NWD2: variants seen among roughly 807,000 people sequenced by gnomAD.
NWD2 encodes NACHT and WD repeat domain-containing protein 2.
In NWD2, 37 loss-of-function variants were observed where a neutral mutation model predicts 132.7. The observed-to-expected ratio is 0.28, with a 90% CI of 0.21 to 0.37. The LOEUF (loss-of-function observed/expected upper bound fraction) is 0.37, where lower values mean the gene tolerates loss of function less well. Among genes scored for constraint, NWD2 ranks in the 10% least tolerant of loss-of-function variants. NWD2 has a pLI of 1.00. For missense variants in NWD2, 1,592 were observed against 2,122.4 expected (o/e 0.75, Z 4.91); for synonymous variants, 705 against 803.0 (o/e 0.88, Z 2.06).
chr4:37,364,697 C>CACACACACACAT (rs1448609670), intron 3 of NWD2, among the ~76,000 whole-genome samples: 5 of 142,718 alleles, frequency 3.5e-5, no homozygotes, highest in African/African-American at 1.4e-4. Context: ...CACTTACACA[C>CACACACACACAT]ACACACACAC....
intron 3 of NWD2, among the ~76,000 whole-genome samples, chr4:37,410,245 T>G (rs1243237451): frequency 6.6e-6 from 1 of 152,120 alleles, no homozygotes; most frequent in African/African-American, 2.4e-5. Flanking sequence ...CAGTGTGTTG[T>G]GTTCAGGAGA....
chr4:37,348,759 G>A (rs549211515), intron 2 of NWD2, among the ~76,000 whole-genome samples: 1 of 145,920 alleles, frequency 6.9e-6, no homozygotes, highest in East Asian at 2.1e-4. Flanking sequence ...AGGTATACAC[G>A]TGCCATGGTG....
At chr4:37,287,442 A>G (rs948019378) in intron 1 of NWD2, among the ~76,000 whole-genome samples, 4 of 152,200 alleles carry the variant, frequency 2.6e-5, no homozygotes, top group Non-Finnish European at 2.9e-5. Flanking sequence ...TCCAGGCTGC[A>G]CTTTTACCCT....
chr4:37,347,865 A>C (rs996865302), intron 2 of NWD2, among the ~76,000 whole-genome samples: 2 of 152,240 alleles, frequency 1.3e-5, no homozygotes, highest in African/African-American at 4.8e-5. Context: ...AAAAGAATCG[A>C]GACGAGATTA....
At chr4:37,311,842 C>T (rs1718849273) in intron 1 of NWD2, among the ~76,000 whole-genome samples, 1 of 149,530 alleles carries the variant, frequency 6.7e-6, no homozygotes, top group South Asian at 2.1e-4. Context: ...CAGCATTCTA[C>T]ATATGGCTAG....
At chr4:37,405,835 A>G (rs1720992959) in intron 3 of NWD2, among the ~76,000 whole-genome samples, 1 of 152,198 alleles carries the variant, frequency 6.6e-6, no homozygotes, top group Admixed American at 6.5e-5. Flanking sequence ...TATTACAGTC[A>G]TTTTAGAGAA....
At chr4:37,400,719 T>G (rs114475829) in intron 3 of NWD2, among the ~76,000 whole-genome samples, 2 of 152,250 alleles carry the variant, frequency 1.3e-5, no homozygotes, top group Non-Finnish European at 2.9e-5. Context: ...GTGGGTTTCA[T>G]GTCAATCAAT....
Position 37,268,196 on chromosome 4 carries a change from T to TTCC in NWD2, c.151+22980_151+22982dup, listed in dbSNP as rs1717796843. 7.9e-5 allele frequency among the ~76,000 whole-genome samples: 12 copies of TTCC among 152,060 alleles called. No individual in the cohort carries two copies. In the South Asian group the frequency reaches 2.3e-3, roughly 29 times the overall value. On this transcript the variant is annotated intron_variant, in intron 1 of 6. Coordinates refer to ENST00000309447, the MANE Select transcript of NWD2 (RefSeq NM_001144990.2). ...GTCATCCTACTAGCCCATTGATTTCTTCCTTGTATCCTGTTTTTACACATT... is the reference window on the plus strand; with the variant it reads ...GTCATCCTACTAGCCCATTGATTTCTTCCTCCTTGTATCCTGTTTTTACACATT...
intron 3 of NWD2, among the ~76,000 whole-genome samples, chr4:37,414,285 T>C (rs1414543234): frequency 6.6e-6 from 1 of 152,152 alleles, no homozygotes; most frequent in African/African-American, 2.4e-5. Flanking sequence ...TTGGTAAAGC[T>C]GGTAATAGGT....
At chr4:37,267,421 T>C (rs1254956356) in intron 1 of NWD2, among the ~76,000 whole-genome samples, 1 of 152,004 alleles carries the variant, frequency 6.6e-6, no homozygotes, top group Non-Finnish European at 1.5e-5. Context: ...GGGCCAGCCC[T>C]GATCATAGCA....
intron 1 of NWD2, among the ~76,000 whole-genome samples, chr4:37,256,799 T>C (rs192882794): frequency 6.6e-6 from 1 of 152,184 alleles, no homozygotes; most frequent in African/African-American, 2.4e-5. Flanking sequence ...CATTTGGAGG[T>C]TTTACCCAAA....
rs147739494 is a variant in NWD2 at position 37,368,527 on chromosome 4, C to T, written c.357+12045C>T. Among the ~76,000 whole-genome samples the T allele has an allele frequency of 6.0e-3, 918 of 152,204 alleles. 20 individuals are homozygous for T. The highest frequency in any genetic ancestry group is 0.037 in the Admixed American group (564 of 15,284). ...ACTTAAACAGAAAGAGGTGTGCGTGCGGCTAAATATGATACTGTTTGATAA... is the reference window on the plus strand; with the variant it reads ...ACTTAAACAGAAAGAGGTGTGCGTGTGGCTAAATATGATACTGTTTGATAA... On this transcript the variant is annotated intron_variant, in intron 3 of 6. Transcript: ENST00000309447.
Position 37,325,322 on chromosome 4 carries a change from A to G in NWD2, c.152-614A>G, listed in dbSNP as rs147060640. 1.9e-3 allele frequency among the ~76,000 whole-genome samples: 294 copies of G among 152,268 alleles called. 3 individuals are homozygous for G. Among genetic ancestry groups the G allele is most frequent in the South Asian group, 0.018 (88 of 4,830 alleles). ...ATATGTAAAATAGTTTCTATCTCTG[A>G]TATAATGTCCCTAAGCCCGGGGTGG... On this transcript the variant is annotated intron_variant, in intron 1 of 6. Transcript: ENST00000309447.
intron 1 of NWD2, among the ~76,000 whole-genome samples, chr4:37,307,524 G>A (rs908547963): frequency 2.0e-5 from 3 of 152,060 alleles, no homozygotes; most frequent in African/African-American, 7.2e-5. Context: ...CATTATATGT[G>A]ACTTGATGCT....
At chr4:37,345,191 A>T (rs1490448787) in intron 2 of NWD2, among the ~76,000 whole-genome samples, 1 of 152,146 alleles carries the variant, frequency 6.6e-6, no homozygotes, top group Admixed American at 6.6e-5. Flanking sequence ...CTCGTGTACA[A>T]GTTTTTATGT....
At chr4:37,333,565 A>T (rs567058643) in intron 2 of NWD2, among the ~76,000 whole-genome samples, 1 of 152,308 alleles carries the variant, frequency 6.6e-6, no homozygotes, top group South Asian at 2.1e-4. Context: ...CTAGATCACA[A>T]ACCCAAGTCC....
chr4:37,258,520 T>A (rs1717564540), intron 1 of NWD2, among the ~76,000 whole-genome samples: 1 of 152,176 alleles, frequency 6.6e-6, no homozygotes. Flanking sequence ...AGCTTGCAGA[T>A]CTCAGAGTAA....
chr4:37,384,396 G>A (rs1361694761), intron 3 of NWD2, among the ~76,000 whole-genome samples: 1 of 152,056 alleles, frequency 6.6e-6, no homozygotes, highest in African/African-American at 2.4e-5. Context: ...TAATTTTATT[G>A]AGTTGTTCTC....
At chr4:37,389,992 G>A (rs373495262) in intron 3 of NWD2, among the ~76,000 whole-genome samples, 24 of 152,220 alleles carry the variant, frequency 1.6e-4, no homozygotes, top group East Asian at 1.5e-3. Context: ...GTTGGCCATC[G>A]TTGGCCAGGC....
Sources: allele counts gnomAD v4.1 joint callset (sites outside exome capture counted in the v4.1 genomes callset), GRCh38; gene constraint gnomAD v4.1.1; transcripts MANE v1.5; gene names NCBI Gene and HGNC (gene_info 2026-07-23, HGNC 2026-07-21).